CEP112: variants seen among roughly 807,000 people sequenced by gnomAD.
The protein encoded by CEP112 is centrosomal protein of 112 kDa.
CEP112 carries 127 observed loss-of-function variants against 153.0 expected under a neutral mutation model. The observed-to-expected ratio is 0.83, with a 90% confidence interval of 0.72 to 0.96. The LOEUF (loss-of-function observed/expected upper bound fraction) is 0.96. Ranked by LOEUF, CEP112 falls within the 40% of genes least tolerant of loss-of-function variation. The pLI is 0.00. For synonymous variants in CEP112, 358 were observed against 374.4 expected, an observed-to-expected ratio of 0.96 and a Z score of 0.51; for missense variants, 1,089 against 1,101.2, an observed-to-expected ratio of 0.99 and a Z score of 0.16.
At chr17:65,709,496 C>T (rs1224923630) in intron 23 of CEP112, among the ~76,000 whole-genome samples, 1 of 152,146 alleles carries the variant, frequency 6.6e-6, no homozygotes, top group Non-Finnish European at 1.5e-5. Flanking sequence ...CATCGGATCT[C>T]GTGAGACTTA....
At chr17:66,096,368 C>T (rs377290505) in intron 7 of CEP112, 40 bp from the exon 8 acceptor site, 2 of 1,570,040 alleles carry the variant, frequency 1.3e-6, no homozygotes, top group South Asian at 2.2e-5. Context: ...GTTTTCAGAT[C>T]TGGTTTATCC....
chr17:65,991,983 T>C (rs944546927), intron 17 of CEP112, among the ~76,000 whole-genome samples: 1 of 151,710 alleles, frequency 6.6e-6, no homozygotes, highest in Non-Finnish European at 1.5e-5. Flanking sequence ...CTGCTTTTAA[T>C]ACAACTTCAT....
At chr17:65,726,998 A>G (rs1039767082) in intron 23 of CEP112, among the ~76,000 whole-genome samples, 16 of 152,360 alleles carry the variant, frequency 1.1e-4, no homozygotes, top group African/African-American at 3.8e-4. Flanking sequence ...ATCCAGAGAT[A>G]GATTCCTGTC....
At chr17:66,133,723 AT>A (rs2070306027) in intron 4 of CEP112, among the ~76,000 whole-genome samples, 3 of 152,212 alleles carry the variant, frequency 2.0e-5, no homozygotes. Context: ...TATACAATGA[AT>A]TAAAGTCACT....
chr17:65,970,304 GTA>G (rs1206173599), intron 17 of CEP112, among the ~76,000 whole-genome samples: 1 of 115,094 alleles, frequency 8.7e-6, no homozygotes, highest in Admixed American at 1.1e-4. Context: ...TACTGCATGT[GTA>G]TCTCATATGT....
intron 12 of CEP112, among the ~76,000 whole-genome samples, chr17:66,035,512 T>C (rs965888230): frequency 6.6e-6 from 1 of 152,052 alleles, no homozygotes; most frequent in East Asian, 1.9e-4. Context: ...AAAAATGGTA[T>C]AACCATTATG....
intron 21 of CEP112, among the ~76,000 whole-genome samples, chr17:65,837,002 GC>G (rs1489908540): frequency 6.6e-6 from 1 of 152,192 alleles, no homozygotes; most frequent in Non-Finnish European, 1.5e-5. Context: ...ACGGGGTTTC[GC>G]CGTGTTGGCC....
intron 19 of CEP112, among the ~76,000 whole-genome samples, chr17:65,904,078 C>G (rs1026918549): frequency 1.3e-5 from 2 of 152,154 alleles, no homozygotes; most frequent in Non-Finnish European, 2.9e-5. Flanking sequence ...TCCTATTCAA[C>G]ATAGTATTGG....
At chr17:66,190,773 A>T (rs2073134590) in intron 1 of CEP112, among the ~76,000 whole-genome samples, 1 of 152,148 alleles carries the variant, frequency 6.6e-6, no homozygotes, top group Non-Finnish European at 1.5e-5. Flanking sequence ...CCTACCCTAC[A>T]GTCAGCAAAC....
chr17:65,679,795 T>C (rs1309281643), intron 24 of CEP112, among the ~76,000 whole-genome samples: 2 of 152,330 alleles, frequency 1.3e-5, no homozygotes, highest in Middle Eastern at 3.4e-3. Flanking sequence ...CTAATAACCA[T>C]GCTACTCCTG....
intron 16 of CEP112, among the ~76,000 whole-genome samples, chr17:66,012,074 A>G (rs1270531946): frequency 6.6e-6 from 1 of 152,152 alleles, no homozygotes; most frequent in Non-Finnish European, 1.5e-5. Context: ...TTTGCTTGGT[A>G]TATTTCTCTC....
At chr17:65,738,528 T>A (rs996470897) in intron 23 of CEP112, among the ~76,000 whole-genome samples, 1 of 152,208 alleles carries the variant, frequency 6.6e-6, no homozygotes, top group Non-Finnish European at 1.5e-5. Flanking sequence ...CTGTTCTTTT[T>A]CCCTTATACA....
At chr17:65,807,108 A>C (rs138282195) in intron 21 of CEP112, among the ~76,000 whole-genome samples, 1 of 152,184 alleles carries the variant, frequency 6.6e-6, no homozygotes, top group Non-Finnish European at 1.5e-5. Context: ...TAAAGAACTT[A>C]TTGGGAAGTG....
Position 65,900,655 on chromosome 17 carries a change from C to T in CEP112, c.2163+1497G>A, listed in dbSNP as rs116233995. ...TTCTACTATGCAAACAAATCCTACA[C>T]TGACTCAGAACCCATATCTCTTACC... On this transcript the variant is annotated intron_variant, in intron 20 of 26. Transcript: ENST00000535342. 2.4e-3 allele frequency among the ~76,000 whole-genome samples: 365 copies of T among 152,264 alleles called. 1 individual carries two copies. Among genetic ancestry groups the T allele is most frequent in the African/African-American group, 8.4e-3 (347 of 41,552 alleles).
chr17:65,950,658 T>G (rs761066975), intron 18 of CEP112, among the ~76,000 whole-genome samples: 2 of 151,510 alleles, frequency 1.3e-5, no homozygotes, highest in Admixed American at 6.6e-5. Flanking sequence ...TCATAATATC[T>G]GATACATTTG....
chr17:66,039,190 A>AT, intron 12 of CEP112, among the ~76,000 whole-genome samples: 1 of 152,222 alleles, frequency 6.6e-6, no homozygotes, highest in Non-Finnish European at 1.5e-5. Context: ...TTGATTTCCT[A>AT]TAAGTTAAGT....
intron 24 of CEP112, chr17:65,644,354 C>T (rs888706244): frequency 1.3e-4 from 71 of 558,380 alleles, no homozygotes; most frequent in South Asian, 4.0e-4. Context: ...GGTGAGAAGC[C>T]GGACAAGTTC....
intron 11 of CEP112, among the ~76,000 whole-genome samples, chr17:66,057,591 TAC>T: frequency 6.6e-6 from 1 of 152,206 alleles, no homozygotes. Flanking sequence ...TTAGGGAATA[TAC>T]ACACACACAT....
chr17:65,842,974 T>C (rs1173237704), intron 21 of CEP112, among the ~76,000 whole-genome samples: 3 of 152,044 alleles, frequency 2.0e-5, no homozygotes, highest in Admixed American at 2.0e-4. Context: ...CATCACACAC[T>C]ATACCCATGT....
Sources: gnomAD v4.1 joint callset for allele counts (sites outside exome capture counted in the v4.1 genomes callset) on GRCh38, gnomAD v4.1.1 for gene constraint, MANE v1.5 for transcripts, NCBI Gene and HGNC (gene_info 2026-07-23, HGNC 2026-07-21) for gene names.